KAZN: variants seen among roughly 807,000 people sequenced by gnomAD.
KAZN encodes kazrin, periplakin interacting protein, also known as kazrin.
In KAZN, 40 loss-of-function variants were observed where a neutral mutation model predicts 87.4. That is an observed-to-expected ratio of 0.46 (90% CI 0.36 to 0.60). The LOEUF is 0.60. Ranked by LOEUF, KAZN falls within the 20% of genes least tolerant of loss-of-function variation. KAZN has a pLI of 0.00. For synonymous variants in KAZN, 466 were observed against 458.3 expected (o/e 1.02, Z -0.22); for missense variants, 898 against 1,073.9 (o/e 0.84, Z 2.29).
rs1321147084 is a variant in KAZN at position 14,447,807 on chromosome 1, TGGATTAGATCA to T, written c.250-151174_250-151164del. Among the ~76,000 whole-genome samples, 3 of 152,012 alleles carry T rather than the reference TGGATTAGATCA, an allele frequency of 2.0e-5. No homozygotes were observed. The East Asian group carries it at 5.8e-4, about 30-fold the overall frequency. The stretch of plus-strand genomic sequence containing the variant: ...CAAATCTCACAACAACATCAAAGGG[TGGATTAGATCA>T]GCATTTTGCAGCTAAAAAAGAAAGA... On this transcript the variant is annotated intron_variant, in intron 2 of 16. Coordinates refer to the KAZN transcript ENST00000636203.
At chr1:14,000,790 TGTTTG>T (rs1639751754) in intron 1 of KAZN, among the ~76,000 whole-genome samples, 1 of 151,610 alleles carries the variant, frequency 6.6e-6, no homozygotes, top group Non-Finnish European at 1.5e-5. Context: ...TGATTTTTTT[TGTTTG>T]TTTTTGAGAC....
At chr1:14,217,510 T>C (rs569478596) in intron 2 of KAZN, among the ~76,000 whole-genome samples, 1 of 151,972 alleles carries the variant, frequency 6.6e-6, no homozygotes, top group East Asian at 1.9e-4. Context: ...TCAGAAAGGA[T>C]AAAAATGGAA....
chr1:14,185,859 A>G (rs1373045477), intron 2 of KAZN, among the ~76,000 whole-genome samples: 2 of 152,198 alleles, frequency 1.3e-5, no homozygotes, highest in East Asian at 3.9e-4. Context: ...GACCCTCCTG[A>G]GACCTCTGTC....
intron 2 of KAZN, among the ~76,000 whole-genome samples, chr1:14,330,211 T>C (rs1161684435): frequency 6.6e-6 from 1 of 152,208 alleles, no homozygotes; most frequent in Non-Finnish European, 1.5e-5. Flanking sequence ...TTGCCTGTTC[T>C]TATTAAACAC....
At chr1:14,890,603 A>G (rs1654599088) in intron 1 of KAZN, among the ~76,000 whole-genome samples, 1 of 152,228 alleles carries the variant, frequency 6.6e-6, no homozygotes, top group Non-Finnish European at 1.5e-5. Flanking sequence ...ACGGGCGTGA[A>G]TCAGAGTCCT....
chr1:14,323,282 C>T (rs1009901186), intron 2 of KAZN, among the ~76,000 whole-genome samples: 12 of 152,050 alleles, frequency 7.9e-5, no homozygotes, highest in African/African-American at 2.9e-4. Flanking sequence ...GCCACGTGGC[C>T]ATGCCTGGTG....
At chr1:13,974,467 A>T (rs1170159525) in intron 1 of KAZN, among the ~76,000 whole-genome samples, 8 of 152,194 alleles carry the variant, frequency 5.3e-5, no homozygotes, top group African/African-American at 1.9e-4. Flanking sequence ...GTAATTAATT[A>T]AGGATCTTGG....
At position 15,117,919 on chromosome 1, in the gene KAZN, C is replaced by G. The variant is rs1365651748; in HGVS notation, c.*3284C>G. On this transcript the variant is annotated 3_prime_UTR_variant, in exon 15 of 15. Transcript: ENST00000376030. Reference sequence around the variant, plus strand: ...TCTCCCGAGCCCTGACACACAAAGGCATTTTGTGGCTGCAGAGGAAATGGG... The same window carrying G: ...TCTCCCGAGCCCTGACACACAAAGGGATTTTGTGGCTGCAGAGGAAATGGG... 1 of 152,146 alleles carries G rather than the reference C, an allele frequency of 6.6e-6. No individual in the cohort carries two copies. Among genetic ancestry groups the G allele is most frequent in the Non-Finnish European group, 1.5e-5 (1 of 68,044 alleles). The allele number at this position is 152,146 out of a possible 1,614,324, so 9.4% of individuals were successfully genotyped here. A position where few individuals can be genotyped will look rare whatever the true frequency, so the allele number is the denominator to read the frequency against.
chr1:15,054,651 CAAA>C (rs1228132414), intron 4 of KAZN, among the ~76,000 whole-genome samples: 317 of 114,970 alleles, frequency 2.8e-3, no homozygotes, highest in Non-Finnish European at 4.8e-3. Flanking sequence ...GACTCCATCT[CAAA>C]AAAAAAAAAA....
chr1:14,348,607 G>A (rs1038415569), intron 2 of KAZN, among the ~76,000 whole-genome samples: 2 of 152,180 alleles, frequency 1.3e-5, no homozygotes, highest in African/African-American at 4.8e-5. Flanking sequence ...ATACGACTCT[G>A]AAATCTATCA....
intron 2 of KAZN, among the ~76,000 whole-genome samples, chr1:14,347,589 A>G (rs764203059): frequency 2.6e-5 from 4 of 152,154 alleles, no homozygotes; most frequent in Non-Finnish European, 4.4e-5. Flanking sequence ...GTTACTTACA[A>G]CCACAGAACC....
At chr1:14,454,991 G>A (rs1667485855) in intron 2 of KAZN, among the ~76,000 whole-genome samples, 1 of 152,166 alleles carries the variant, frequency 6.6e-6, no homozygotes, top group African/African-American at 2.4e-5. Context: ...GAAGCAGGAA[G>A]CCTCCATTCC....
intron 1 of KAZN, among the ~76,000 whole-genome samples, chr1:14,719,389 A>G (rs1314916066): frequency 6.6e-6 from 1 of 152,192 alleles, no homozygotes; most frequent in Non-Finnish European, 1.5e-5. Context: ...CTAGACAAAG[A>G]ATTTAGGCCA....
At chr1:14,625,567 A>G (rs1449266367) in intron 1 of KAZN, among the ~76,000 whole-genome samples, 2 of 152,182 alleles carry the variant, frequency 1.3e-5, no homozygotes, top group African/African-American at 2.4e-5. Context: ...TATTTCATCA[A>G]TTTCTGTTTA....
At chr1:14,132,947 G>A (rs1645021681) in intron 1 of KAZN, among the ~76,000 whole-genome samples, 1 of 152,104 alleles carries the variant, frequency 6.6e-6, no homozygotes. Context: ...CATTACAATA[G>A]GAAAGATGGG....
intron 1 of KAZN, among the ~76,000 whole-genome samples, chr1:14,732,089 G>T (rs1243815526): frequency 6.6e-6 from 1 of 152,230 alleles, no homozygotes; most frequent in Non-Finnish European, 1.5e-5. Context: ...AGCGACACCT[G>T]TCGGACCCTG....
At chr1:14,520,770 C>A (rs942052522) in intron 2 of KAZN, among the ~76,000 whole-genome samples, 1 of 152,208 alleles carries the variant, frequency 6.6e-6, no homozygotes, top group East Asian at 1.9e-4. Flanking sequence ...CCCCCCAAAC[C>A]TTAATTCTTT....
At chr1:14,299,992 G>A (rs1463379114) in intron 2 of KAZN, among the ~76,000 whole-genome samples, 1 of 152,214 alleles carries the variant, frequency 6.6e-6, no homozygotes, top group African/African-American at 2.4e-5. Context: ...CCTTTTGTGG[G>A]GGTAGGAGGG....
At chr1:14,747,573 C>G (rs1644296217) in intron 1 of KAZN, among the ~76,000 whole-genome samples, 1 of 152,254 alleles carries the variant, frequency 6.6e-6, no homozygotes. Flanking sequence ...AGCCACTGCA[C>G]CTGGCCCGTA....
Sources: gnomAD v4.1 joint callset for allele counts (sites outside exome capture counted in the v4.1 genomes callset) on GRCh38, gnomAD v4.1.1 for gene constraint, MANE v1.5 for transcripts, NCBI Gene and HGNC (gene_info 2026-07-23, HGNC 2026-07-21) for gene names.